The following PARVB variants were observed in gnomAD, a reference collection of about 807,000 sequenced individuals.
PARVB encodes parvin beta, also known as beta-parvin.
In PARVB, 46 loss-of-function variants were observed where a neutral mutation model predicts 47.0. The ratio of observed to expected loss-of-function variants is 0.98; its 90% CI spans 0.77 to 1.25. PARVB has a LOEUF of 1.25. Ranked by LOEUF, PARVB falls within the 50% of genes most tolerant of loss-of-function variation. The probability of loss-of-function intolerance (pLI) is 0.00; values close to 1 mark genes in which losing one functional copy is unlikely to be tolerated. For missense variants in PARVB, 473 were observed against 471.6 expected, an observed-to-expected ratio of 1.00 and a Z score of -0.03; for synonymous variants, 196 against 196.3, an observed-to-expected ratio of 1.00 and a Z score of 0.01.
At chr22:44,064,178 C>G (rs1355697794) in intron 1 of PARVB, among the ~76,000 whole-genome samples, 2 of 152,192 alleles carry the variant, frequency 1.3e-5, no homozygotes, top group South Asian at 4.1e-4. Flanking sequence ...GCCAGTCTTC[C>G]TTCCTGCCGA....
At chr22:44,007,016 G>A (rs943674373) in intron 2 of PARVB, among the ~76,000 whole-genome samples, 4 of 152,190 alleles carry the variant, frequency 2.6e-5, no homozygotes, top group African/African-American at 4.8e-5. Context: ...GTTCTGCTGC[G>A]CGGATGCAAA....
intron 12 of PARVB, chr22:44,168,062 C>T (rs150385603): frequency 0.016 from 2,591 of 158,014 alleles, 31 homozygotes; most frequent in Middle Eastern, 0.044. Context: ...CTCCAAGGGC[C>T]TCGAGCGTTA....
At chr22:44,122,528 CAGAGAGAGAGAGAG>C (rs1286346736) in intron 4 of PARVB, among the ~76,000 whole-genome samples, 8 of 56,150 alleles carry the variant, frequency 1.4e-4, no homozygotes, top group African/African-American at 4.8e-4. Flanking sequence ...GACAGAGAGA[CAGAGAGAGAGAGAG>C]AGAGAGAGAG....
intron 1 of PARVB, among the ~76,000 whole-genome samples, chr22:44,070,316 G>A (rs1317553600): frequency 6.6e-6 from 1 of 152,104 alleles, no homozygotes; most frequent in East Asian, 1.9e-4. Flanking sequence ...CGCCTCCCTG[G>A]GCCCTGCTAG....
intron 1 of PARVB, among the ~76,000 whole-genome samples, chr22:44,051,320 G>T (rs898941000): frequency 6.6e-6 from 1 of 152,212 alleles, no homozygotes; most frequent in African/African-American, 2.4e-5. Flanking sequence ...CTGTTTGTAG[G>T]CGCTGGGGGG....
chr22:44,146,392 C>T (rs36183741), intron 8 of PARVB: 1 of 152,254 alleles, frequency 6.6e-6, no homozygotes, highest in Non-Finnish European at 1.5e-5. Context: ...CGCACACATG[C>T]TCACACACGC....
intron 1 of PARVB, among the ~76,000 whole-genome samples, chr22:44,058,979 A>AT (rs1310391249): frequency 1.6e-5 from 2 of 121,404 alleles, no homozygotes; most frequent in African/African-American, 6.6e-5. Context: ...TGAGGGTGTG[A>AT]TGGGGGGGGG....
intron 1 of PARVB, among the ~76,000 whole-genome samples, chr22:44,087,418 C>T (rs902502003): frequency 5.3e-5 from 8 of 152,192 alleles, no homozygotes. Context: ...TGTGTCTGGG[C>T]CAGACCCTCC....
chr22:44,145,166 C>T (rs897995853), intron 8 of PARVB: 2 of 152,288 alleles, frequency 1.3e-5, no homozygotes, highest in African/African-American at 4.8e-5. Flanking sequence ...CCTGCCTCTA[C>T]TCACTGCCCC....
In PARVB at chr22:44,122,488, AAG is replaced by A. The variant is rs766162295; in HGVS notation, c.376+3378_376+3379del. ...GCAACAGAGTGAGACCCTGTCGATC[AAG>A]AGAGAGAGAGAGAGAGAGAGAGAGA... On this transcript the variant is annotated intron_variant, in intron 4 of 12. Coordinates refer to ENST00000338758, the MANE Select transcript of PARVB (RefSeq NM_013327.5). Among the ~76,000 whole-genome samples the A allele has an allele frequency of 3.5e-3, 267 of 76,478 alleles. 2 individuals are homozygous for A. The highest frequency in any genetic ancestry group is 6.1e-3 in the Middle Eastern group (1 of 164). The allele number at this position is 76,478 out of a possible 152,430, so 50.2% of individuals were successfully genotyped here.
chr22:44,079,445 C>T (rs1270443832), intron 1 of PARVB, among the ~76,000 whole-genome samples: 1 of 152,176 alleles, frequency 6.6e-6, no homozygotes, highest in Non-Finnish European at 1.5e-5. Flanking sequence ...TTGTGGGACA[C>T]AGCTGTGTCT....
intron 10 of PARVB, chr22:44,153,503 G>A (rs978174170): frequency 6.6e-6 from 1 of 151,972 alleles, no homozygotes; most frequent in South Asian, 2.1e-4. Context: ...TAATTTTTTT[G>A]TATTTTTAGT....
chr22:44,116,050 T>C (rs67355122), intron 3 of PARVB: 51,623 of 151,268 alleles, frequency 0.34, 9,403 homozygotes, highest in African/African-American at 0.47. Flanking sequence ...GTGTCACCTG[T>C]TCTCCTTTGG....
intron 2 of PARVB, among the ~76,000 whole-genome samples, chr22:44,006,916 C>T (rs142346463): frequency 1.3e-5 from 2 of 152,316 alleles, no homozygotes; most frequent in Admixed American, 6.5e-5. Context: ...TGTCATGCCC[C>T]GTGTGAGGGC....
chr22:44,060,167 T>A (rs1386780884), intron 1 of PARVB, among the ~76,000 whole-genome samples: 4 of 151,906 alleles, frequency 2.6e-5, no homozygotes, highest in Non-Finnish European at 5.9e-5. Flanking sequence ...ATACAAAAAA[T>A]TAGCTGGGTG....
At chr22:44,019,214 G>A (rs971408143) in intron 2 of PARVB, among the ~76,000 whole-genome samples, 1 of 149,910 alleles carries the variant, frequency 6.7e-6, no homozygotes, top group Non-Finnish European at 1.5e-5. Flanking sequence ...ACCACGCCTG[G>A]CCTATTTTTA....
In PARVB at chr22:44,171,505, AAGAAAG is replaced by A. The variant is rs1339546889; in HGVS notation, c.*2829_*2834del. 8 of 150,002 alleles carry A rather than the reference AAGAAAG, an allele frequency of 5.3e-5. No homozygotes were observed. The highest frequency in any genetic ancestry group is 2.0e-4 in the African/African-American group (8 of 40,270). The allele number at this position is 150,002 out of a possible 1,614,324, so 9.3% of individuals were successfully genotyped here. On this transcript the variant is annotated 3_prime_UTR_variant, in exon 13 of 13. Transcript: ENST00000338758. The stretch of plus-strand genomic sequence containing the variant: ...GTGAGACTCTGTCTCAAAAAAAAAA[AAGAAAG>A]AAAAAAGAAAAAGAAAAGAACAGAG...
In PARVB at chr22:44,069,996, C is replaced by G. The variant is rs953986409; in HGVS notation, c.113-23932C>G. ...GGGCATGCCTGGGAGTGAGCCCAGCCTTGCTGTTATTAGCGCCCATCGTGA... is the reference window on the plus strand; with the variant it reads ...GGGCATGCCTGGGAGTGAGCCCAGCGTTGCTGTTATTAGCGCCCATCGTGA... On this transcript the variant is annotated intron_variant, in intron 1 of 12. Coordinates refer to ENST00000338758, the MANE Select transcript of PARVB (RefSeq NM_013327.5). 4.6e-5 allele frequency among the ~76,000 whole-genome samples: 7 copies of G among 152,298 alleles called. No individual in the cohort carries two copies. The East Asian group carries it at 1.4e-3, about 29-fold the overall frequency.
chr22:44,141,427 G>A (rs373716855), intron 8 of PARVB: 3 of 152,228 alleles, frequency 2.0e-5, no homozygotes, highest in African/African-American at 7.2e-5. Context: ...ATCCAGTATG[G>A]GAGAAAGATG....
Sources: gnomAD v4.1 joint callset for allele counts (sites outside exome capture counted in the v4.1 genomes callset) on GRCh38, gnomAD v4.1.1 for gene constraint, MANE v1.5 for transcripts, NCBI Gene and HGNC (gene_info 2026-07-23, HGNC 2026-07-21) for gene names.